Variants in MYO1D observed in about 807,000 individuals in gnomAD.
The protein encoded by MYO1D is unconventional myosin-Id.
A neutral mutation model predicts 122.0 loss-of-function variants in MYO1D; 83 were observed. The ratio of observed to expected loss-of-function variants is 0.68; its 90% CI spans 0.57 to 0.82. The LOEUF is 0.82. MYO1D is among the 40% of genes least tolerant of loss of function. The pLI, the probability that MYO1D is intolerant of heterozygous loss-of-function variation, is 0.00. For synonymous variants in MYO1D, 464 were observed against 446.9 expected (o/e 1.04, Z -0.48); for missense variants, 1,157 against 1,269.5 (o/e 0.91, Z 1.35).
At chr17:32,802,957 A>G (rs977886941) in intron 1 of MYO1D, among the ~76,000 whole-genome samples, 1 of 152,148 alleles carries the variant, frequency 6.6e-6, no homozygotes, top group African/African-American at 2.4e-5. Flanking sequence ...ACTATTACAC[A>G]CTAGTCCAGT....
chr17:32,625,185 C>T (rs7225222), intron 20 of MYO1D, among the ~76,000 whole-genome samples: 2,898 of 152,244 alleles, frequency 0.019, 80 homozygotes, highest in African/African-American at 0.062. Flanking sequence ...CAGTTTCCTG[C>T]GGGCATACAA....
chr17:32,816,840 G>C (rs956844370), intron 1 of MYO1D, among the ~76,000 whole-genome samples: 1 of 152,038 alleles, frequency 6.6e-6, no homozygotes, highest in Non-Finnish European at 1.5e-5. Flanking sequence ...ACACACACAG[G>C]ATTTAGTCTT....
At chr17:32,607,288 G>A (rs139172312) in intron 20 of MYO1D, among the ~76,000 whole-genome samples, 11 of 152,062 alleles carry the variant, frequency 7.2e-5, no homozygotes, top group East Asian at 1.9e-4. Context: ...ACTAATAAGC[G>A]CATCTAGTAA....
chr17:32,571,747 C>G (rs535273028), intron 21 of MYO1D, among the ~76,000 whole-genome samples: 1 of 152,270 alleles, frequency 6.6e-6, no homozygotes, highest in Non-Finnish European at 1.5e-5. Context: ...AAAATCACTT[C>G]CTTTTCACAT....
intron 6 of MYO1D, among the ~76,000 whole-genome samples, chr17:32,768,685 C>A (rs769796877): frequency 3.3e-5 from 5 of 152,150 alleles, no homozygotes; most frequent in Admixed American, 6.5e-5. Flanking sequence ...GGACAAGATA[C>A]TTAACCTCAT....
chr17:32,706,274 T>C (rs1210950181), intron 16 of MYO1D, among the ~76,000 whole-genome samples: 1 of 152,146 alleles, frequency 6.6e-6, no homozygotes, highest in Non-Finnish European at 1.5e-5. Flanking sequence ...AGCAGGTTAA[T>C]TTTTGTATTT....
At chr17:32,857,256 C>T (rs2091034272) in intron 1 of MYO1D, among the ~76,000 whole-genome samples, 1 of 152,154 alleles carries the variant, frequency 6.6e-6, no homozygotes, top group Non-Finnish European at 1.5e-5. Flanking sequence ...ATCCTGTCTT[C>T]CCAACTGTAA....
At chr17:32,776,095 A>G (rs1464007995) in intron 3 of MYO1D, 66 bp from the exon 4 acceptor site, 20 of 1,425,858 alleles carry the variant, frequency 1.4e-5, no homozygotes, top group Non-Finnish European at 1.8e-5. Context: ...TAAAAACTGG[A>G]TTTTGCTAAA....
intron 1 of MYO1D, among the ~76,000 whole-genome samples, chr17:32,802,872 A>G (rs1329293000): frequency 6.6e-6 from 1 of 152,226 alleles, no homozygotes; most frequent in African/African-American, 2.4e-5. Context: ...TCATCAAGTT[A>G]GGAAAGGTAC....
intron 15 of MYO1D, among the ~76,000 whole-genome samples, chr17:32,716,501 T>A (rs550610582): frequency 1.8e-4 from 28 of 152,314 alleles, no homozygotes; most frequent in African/African-American, 6.3e-4. Flanking sequence ...ATTTGCAGAA[T>A]GAATGAAAAG....
intron 1 of MYO1D, among the ~76,000 whole-genome samples, chr17:32,822,763 G>C (rs62070179): frequency 6.6e-6 from 1 of 151,434 alleles, no homozygotes; most frequent in African/African-American, 2.4e-5. Context: ...GGCGAGGCCC[G>C]GGGCGTCCCC....
chr17:32,764,979 C>T lies in MYO1D; in HGVS notation c.934G>A (p.Glu312Lys). 1 of 1,614,214 alleles carries T rather than the reference C, an allele frequency of 6.2e-7. No individual in the cohort carries two copies. Among genetic ancestry groups the T allele is most frequent in the Non-Finnish European group, 8.5e-7 (1 of 1,180,026 alleles). The change falls in exon 8 of 22, where the codon GAG becomes AAG. Residue 312 changes from glutamate (E) to lysine (K), a missense_variant. Coordinates refer to ENST00000318217, the MANE Select transcript of MYO1D (RefSeq NM_015194.3). ...ELLSTKTDMV[E>K]KALLYRTVAT... ...ACAGTCCGGTAAAGAAGGGCTTTCT[C>T]AACCATATCTGTCTTAGTAGAGAGC...
At position 32,818,328 on chromosome 17, in the gene MYO1D, C is replaced by T. The variant is rs116003403; in HGVS notation, c.96-37544G>A. Among the ~76,000 whole-genome samples, 1,136 of 152,108 alleles carry T rather than the reference C, an allele frequency of 7.5e-3. 10 individuals are homozygous for T. The highest frequency in any genetic ancestry group is 0.023 in the African/African-American group (963 of 41,492). ...GCCCCTGCAGTCTCTGACCATTCTTCCCAGCAATGCTGAGCTGTGGTCCCA... is the reference window on the plus strand; with the variant it reads ...GCCCCTGCAGTCTCTGACCATTCTTTCCAGCAATGCTGAGCTGTGGTCCCA... On this transcript the variant is annotated intron_variant, in intron 1 of 21. Transcript: ENST00000318217.
chr17:32,721,971 TTATC>T (rs2089517490), intron 14 of MYO1D, among the ~76,000 whole-genome samples: 4 of 152,322 alleles, frequency 2.6e-5, no homozygotes, highest in Admixed American at 2.0e-4. Flanking sequence ...TCTGAATCTG[TTATC>T]TATCAGACAC....
chr17:32,712,277 A>G lies in MYO1D; in HGVS notation c.1914-82T>C, dbSNP rs998086570. 8.5e-6 allele frequency: 11 copies of G among 1,294,564 alleles called. No individual in the cohort carries two copies. In the African/African-American group the frequency reaches 1.6e-4, roughly 19 times the overall value. 80.2% of individuals were successfully genotyped at this position (1,294,564 alleles called of 1,614,324 possible). A position where few individuals can be genotyped will look rare whatever the true frequency, so the allele number is the denominator to read the frequency against. ...AAAACTATTCAATAAAATGCAAGACACCTCATAGAAAACCAAATCTTAGCA... is the reference window on the plus strand; with the variant it reads ...AAAACTATTCAATAAAATGCAAGACGCCTCATAGAAAACCAAATCTTAGCA... On this transcript the variant is annotated intron_variant, in intron 15 of 21. Transcript: ENST00000318217.
At chr17:32,747,744 G>C (rs1252024386) in intron 12 of MYO1D, among the ~76,000 whole-genome samples, 1 of 152,082 alleles carries the variant, frequency 6.6e-6, no homozygotes, top group African/African-American at 2.4e-5. Context: ...GGCTGAGACA[G>C]GAGACTTGCT....
At chr17:32,601,610 C>T (rs1344830575) in intron 21 of MYO1D, among the ~76,000 whole-genome samples, 1 of 152,160 alleles carries the variant, frequency 6.6e-6, no homozygotes, top group African/African-American at 2.4e-5. Context: ...AAAGAGTCAG[C>T]CTGTCCTTTG....
intron 10 of MYO1D, among the ~76,000 whole-genome samples, chr17:32,758,922 T>C (rs987612420): frequency 1.3e-5 from 2 of 152,110 alleles, no homozygotes; most frequent in African/African-American, 4.8e-5. Flanking sequence ...TTTGGAACAG[T>C]CCACTGCATT....
At chr17:32,661,826 A>G (rs773505661) in intron 16 of MYO1D, among the ~76,000 whole-genome samples, 29 of 151,994 alleles carry the variant, frequency 1.9e-4, no homozygotes, top group Non-Finnish European at 4.1e-4. Flanking sequence ...ACCTATATTA[A>G]CTCTATTATA....
Sources: gnomAD v4.1 joint callset for allele counts (sites outside exome capture counted in the v4.1 genomes callset) on GRCh38, gnomAD v4.1.1 for gene constraint, MANE v1.5 for transcripts, NCBI Gene and HGNC (gene_info 2026-07-23, HGNC 2026-07-21) for gene names.